PGM2: variants seen among roughly 807,000 people sequenced by gnomAD.
PGM2 encodes the protein phosphoglucomutase 2, also known as phosphopentomutase.
PGM2 carries 57 observed loss-of-function variants against 74.6 expected under a neutral mutation model. That is an observed-to-expected ratio of 0.76 (90% CI 0.62 to 0.95). PGM2 has a LOEUF of 0.95. Among genes scored for constraint, PGM2 ranks in the 40% least tolerant of loss-of-function variants. PGM2 has a pLI of 0.00. For synonymous variants in PGM2, 273 were observed against 260.7 expected (o/e 1.05, Z -0.46); for missense variants, 706 against 741.9 (o/e 0.95, Z 0.56).
chr4:37,861,566 A>AT lies in PGM2; in HGVS notation c.1799dup (p.Gln601ProfsTer15), dbSNP rs750751832. On this transcript the variant is annotated frameshift_variant, in exon 14 of 14. Transcript: ENST00000381967. LOFTEE classifies it high-confidence loss of function. ...GAACTGGTCAGTGCTATTGAAGAACATTTTTTCCAGCCACAGAAGTACAAT... is the reference window on the plus strand; with the variant it reads ...GAACTGGTCAGTGCTATTGAAGAACATTTTTTTCCAGCCACAGAAGTACAAT... The AT allele has an allele frequency of 6.2e-7, 1 of 1,613,498 alleles. No individual in the cohort carries two copies. The highest frequency in any genetic ancestry group is 1.1e-5 in the South Asian group (1 of 91,060).
intron 10 of PGM2, 68 bp from the exon 11 acceptor site, chr4:37,848,454 A>G: frequency 7.3e-7 from 1 of 1,365,670 alleles, no homozygotes; most frequent in Admixed American, 2.0e-5. Flanking sequence ...TGCAATAGCC[A>G]GGATTCATAC....
chr4:37,853,289 C>T (rs577330375), intron 12 of PGM2, among the ~76,000 whole-genome samples: 6 of 151,710 alleles, frequency 4.0e-5, no homozygotes, highest in African/African-American at 9.7e-5. Context: ...AGGTGTGTGC[C>T]GCCATGCCCA....
At chr4:37,848,702 A>G (rs1725946875) in intron 11 of PGM2, 51 bp downstream of exon 11, 4 of 1,337,980 alleles carry the variant, frequency 3.0e-6, no homozygotes, top group Admixed American at 1.8e-5. Context: ...GAAATGTTCT[A>G]TTATATACTT....
chr4:37,852,546 T>G (rs1726077955), intron 12 of PGM2, among the ~76,000 whole-genome samples: 1 of 152,178 alleles, frequency 6.6e-6, no homozygotes, highest in South Asian at 2.1e-4. Context: ...GGTGGTAAGT[T>G]TTTGGTGGCA....
In PGM2 at chr4:37,844,432, T is replaced by C. The variant is rs751040096; in HGVS notation, c.788T>C (p.Val263Ala). The C allele has an allele frequency of 6.2e-7, 1 of 1,613,692 alleles. No homozygotes were observed. Among genetic ancestry groups the C allele is most frequent in the East Asian group, 2.2e-5 (1 of 44,874 alleles). ...TSVHGVGHSF[V>A]QSAFKAFDLV... is the part of the protein sequence containing the mutation. Reference sequence around the variant, plus strand: ...GTCCATGGGGTGGGTCATAGCTTTGTGCAGTCAGCTTTCAAGGCTTTTGAC... The same window carrying C: ...GTCCATGGGGTGGGTCATAGCTTTGCGCAGTCAGCTTTCAAGGCTTTTGAC... Residue 263 changes from valine to alanine, a missense_variant, in exon 7 of 14, where the codon GTG becomes GCG. Val to Ala is a moderately conservative substitution (Grantham distance 64). This residue lies in a region of PGM2 where 332 missense variants were observed against 334.9 expected (regional missense o/e 0.99). Coordinates refer to ENST00000381967, the MANE Select transcript of PGM2 (RefSeq NM_018290.4).
Position 37,837,605 on chromosome 4 carries a change from C to A in PGM2, c.433C>A (p.Pro145Thr), listed in dbSNP as rs755195130. The change falls in exon 4 of 14, where the codon CCC (proline) becomes ACC (threonine). Residue 145 changes from proline (P) to threonine (T), a missense_variant. By Grantham distance (38) the Pro-to-Thr change is conservative. Around this residue, in one of 3 missense-constraint regions of PGM2, gnomAD observed 332 missense variants for 334.9 expected, o/e 0.99. Coordinates refer to ENST00000381967, the MANE Select transcript of PGM2 (RefSeq NM_018290.4). ...VYLFSDITPT[P>T]FVPFTVSHLK... is the part of the protein sequence containing the mutation. ...CCTCTTTTCTGATATAACGCCAACC[C>A]CCTTTGTGGTAAGTAGCCATTTCCT... 6.2e-7 allele frequency: 1 copy of A among 1,602,246 alleles called. No homozygotes were observed. Among genetic ancestry groups the A allele is most frequent in the East Asian group, 2.2e-5 (1 of 44,816 alleles).
At chr4:37,829,210 A>G (rs772091055) in intron 1 of PGM2, among the ~76,000 whole-genome samples, 20 of 152,168 alleles carry the variant, frequency 1.3e-4, no homozygotes, top group Non-Finnish European at 2.4e-4. Context: ...GCAATGTATA[A>G]TGAACTTAAA....
chr4:37,828,884 T>A (rs915371382), intron 1 of PGM2, among the ~76,000 whole-genome samples: 1 of 152,238 alleles, frequency 6.6e-6, no homozygotes, highest in Admixed American at 6.5e-5. Flanking sequence ...GTTCTGTAAT[T>A]AGCATCTGCT....
chr4:37,831,934 G>T (rs1577672174), intron 2 of PGM2, among the ~76,000 whole-genome samples: 1 of 152,166 alleles, frequency 6.6e-6, no homozygotes, highest in African/African-American at 2.4e-5. Flanking sequence ...GGGCCTAATT[G>T]TTAGGGGTTT....
intron 13 of PGM2, among the ~76,000 whole-genome samples, chr4:37,860,645 A>G (rs1284455993): frequency 6.6e-6 from 1 of 152,224 alleles, no homozygotes; most frequent in Non-Finnish European, 1.5e-5. Flanking sequence ...AACTCTGCAT[A>G]TATTAAAGAT....
In PGM2 at chr4:37,826,739, G is replaced by A. The variant is rs1198268045; in HGVS notation, c.7G>A (p.Ala3Thr). 6.5e-7 allele frequency: 1 copy of A among 1,549,690 alleles called. No individual in the cohort carries two copies. The highest frequency in any genetic ancestry group is 1.2e-5 in the South Asian group (1 of 84,044). MA[A>T]PEGSGLGEDA... ...CGGTAGCACAAGCTCAGCGATGGCG[G>A]CTCCAGAAGGCAGCGGTCTAGGCGA... Residue 3 changes from alanine to threonine, a missense_variant, in exon 1 of 14, where the codon GCT becomes ACT. This residue lies in a region of PGM2 where 332 missense variants were observed against 334.9 expected (regional missense o/e 0.99). Coordinates refer to ENST00000381967, the MANE Select transcript of PGM2 (RefSeq NM_018290.4).
chr4:37,835,422 A>G (rs1725543146), intron 3 of PGM2, among the ~76,000 whole-genome samples: 1 of 152,194 alleles, frequency 6.6e-6, no homozygotes, highest in Admixed American at 6.5e-5. Context: ...GCAGAGAAAC[A>G]TCCATCGACA....
chr4:37,858,162 CT>C (rs996912977), intron 13 of PGM2, among the ~76,000 whole-genome samples: 53 of 152,078 alleles, frequency 3.5e-4, no homozygotes, highest in African/African-American at 1.2e-3. Context: ...CAAATATTAG[CT>C]TATAAATTAG....
At chr4:37,829,596 G>A (rs1296078763) in intron 1 of PGM2, among the ~76,000 whole-genome samples, 2 of 152,252 alleles carry the variant, frequency 1.3e-5, no homozygotes, top group Non-Finnish European at 2.9e-5. Flanking sequence ...GTGTAAGGGA[G>A]GTTCTAGATT....
intron 12 of PGM2, among the ~76,000 whole-genome samples, chr4:37,854,257 T>A (rs1284974193): frequency 6.6e-6 from 1 of 152,238 alleles, no homozygotes; most frequent in South Asian, 2.1e-4. Context: ...CTATCAAATA[T>A]AAATATACCA....
intron 1 of PGM2, among the ~76,000 whole-genome samples, chr4:37,828,545 T>G (rs1725356663): frequency 6.6e-6 from 1 of 152,202 alleles, no homozygotes; most frequent in Admixed American, 6.5e-5. Flanking sequence ...CCACCGTGCC[T>G]TCATCCCTGC....
At chr4:37,836,862 G>GGT (rs57338198) in intron 3 of PGM2, among the ~76,000 whole-genome samples, 114 of 150,516 alleles carry the variant, frequency 7.6e-4, no homozygotes, top group South Asian at 2.7e-3. Context: ...TATGTGTATG[G>GGT]GTGTGTGTGT....
Position 37,855,723 on chromosome 4 carries a change from G to A in PGM2, c.1718G>A (p.Cys573Tyr), listed in dbSNP as rs1171377890. Reference protein sequence around the residue: ...EPKIKYYAELCAPPGNSDPEQ... With the variant: ...EPKIKYYAELYAPPGNSDPEQ... ...AAAATCAAGTACTATGCAGAGCTGT[G>A]TGCCCCACCTGGGAACAGGTATGAT... is the stretch of plus-strand genomic sequence containing the variant. The change falls in exon 13 of 14, where the codon TGT (cysteine) becomes TAT (tyrosine). Residue 573 changes from cysteine to tyrosine, a missense_variant. Transcript: ENST00000381967. 3.1e-6 allele frequency: 5 copies of A among 1,611,136 alleles called. No individual in the cohort carries two copies. The highest frequency in any genetic ancestry group is 4.2e-6 in the Non-Finnish European group (5 of 1,178,916).
chr4:37,847,003 A>G lies in PGM2; in HGVS notation c.1080A>G (p.Lys360=), dbSNP rs780798440. 8 of 1,613,872 alleles carry G rather than the reference A, an allele frequency of 5.0e-6. No individual in the cohort carries two copies. Among genetic ancestry groups the G allele is most frequent in the Non-Finnish European group, 5.1e-6 (6 of 1,179,774 alleles). ...LLGWWLFTSW[K]EKNQDRSALK... Reference sequence around the variant, plus strand: ...GCTGGTGGCTTTTTACATCTTGGAAAGAGAAGAACCAGGATCGCAGTGCTC... The same window carrying G: ...GCTGGTGGCTTTTTACATCTTGGAAGGAGAAGAACCAGGATCGCAGTGCTC... The change falls in exon 9 of 14, where the codon AAA becomes AAG. Residue 360 remains lysine, a synonymous_variant. Coordinates refer to ENST00000381967, the MANE Select transcript of PGM2 (RefSeq NM_018290.4).
Sources: gnomAD v4.1 joint callset for allele counts (sites outside exome capture counted in the v4.1 genomes callset) on GRCh38, gnomAD v4.1.1 for gene constraint, gnomAD v4.1.1 regional missense constraint, MANE v1.5 for transcripts, NCBI Gene and HGNC (gene_info 2026-07-23, HGNC 2026-07-21) for gene names.